Variants in COL25A1 observed in about 807,000 individuals in gnomAD.
COL25A1 encodes the protein collagen alpha-1(XXV) chain.
Under a neutral mutation model 128.4 loss-of-function variants are expected in COL25A1, and 103 were observed. The observed-to-expected ratio is 0.80, with a 90% CI of 0.68 to 0.94. The LOEUF is 0.94. Among genes scored for constraint, COL25A1 ranks in the 40% least tolerant of loss-of-function variants. The probability of loss-of-function intolerance (pLI) is 0.00; values close to 1 mark genes in which losing one functional copy is unlikely to be tolerated. For synonymous variants in COL25A1, 279 were observed against 277.2 expected (o/e 1.01, Z -0.06); for missense variants, 745 against 840.0 (o/e 0.89, Z 1.40).
At chr4:109,204,047 T>TA (rs1341756850) in intron 3 of COL25A1, among the ~76,000 whole-genome samples, 6 of 152,032 alleles carry the variant, frequency 3.9e-5, no homozygotes, top group African/African-American at 9.7e-5. Flanking sequence ...CTTTTTAAAA[T>TA]AAAAAAGTAG....
At chr4:109,058,403 C>T (rs542450890) in intron 3 of COL25A1, among the ~76,000 whole-genome samples, 4 of 151,936 alleles carry the variant, frequency 2.6e-5, no homozygotes, top group South Asian at 2.1e-4. Flanking sequence ...ATCTATACAA[C>T]GTAATATATT....
At chr4:109,245,403 G>A (rs1040104714) in intron 3 of COL25A1, among the ~76,000 whole-genome samples, 3 of 152,054 alleles carry the variant, frequency 2.0e-5, no homozygotes, top group Non-Finnish European at 2.9e-5. Context: ...AGGCCACTCC[G>A]GAGAAGTCGG....
intron 3 of COL25A1, among the ~76,000 whole-genome samples, chr4:109,241,879 G>A (rs774823318): frequency 2.0e-5 from 3 of 151,998 alleles, no homozygotes; most frequent in Non-Finnish European, 4.4e-5. Flanking sequence ...ACAGATTCCT[G>A]ATGTATTCAT....
At chr4:109,126,362 T>C (rs1266071423) in intron 3 of COL25A1, among the ~76,000 whole-genome samples, 1 of 152,124 alleles carries the variant, frequency 6.6e-6, no homozygotes, top group East Asian at 1.9e-4. Flanking sequence ...AAAATCTAAA[T>C]CCAACTCTGA....
At chr4:109,113,555 A>G (rs974607219) in intron 3 of COL25A1, among the ~76,000 whole-genome samples, 3 of 152,080 alleles carry the variant, frequency 2.0e-5, no homozygotes, top group African/African-American at 7.2e-5. Flanking sequence ...TCTGTTGTTA[A>G]TGTTAAAATG....
intron 8 of COL25A1, among the ~76,000 whole-genome samples, chr4:108,966,967 G>A (rs1751382463): frequency 6.6e-6 from 1 of 151,742 alleles, no homozygotes; most frequent in Non-Finnish European, 1.5e-5. Flanking sequence ...AAGAAAGAAA[G>A]AAAAAGAAAG....
chr4:108,868,455 T>C (rs1347087503), intron 20 of COL25A1, among the ~76,000 whole-genome samples: 1 of 142,290 alleles, frequency 7.0e-6, no homozygotes, highest in Non-Finnish European at 1.5e-5. Flanking sequence ...TAAAAATATA[T>C]GACAAAGATT....
At chr4:109,129,317 CG>C (rs1475955443) in intron 3 of COL25A1, among the ~76,000 whole-genome samples, 2 of 151,944 alleles carry the variant, frequency 1.3e-5, no homozygotes, top group African/African-American at 4.8e-5. Context: ...TTAGTAGAGA[CG>C]GGGTTTCTCC....
chr4:108,902,866 A>T (rs1248815212), intron 13 of COL25A1, among the ~76,000 whole-genome samples: 2 of 151,978 alleles, frequency 1.3e-5, no homozygotes, highest in Non-Finnish European at 2.9e-5. Context: ...TTGGAAACAG[A>T]ATACACCCTG....
intron 6 of COL25A1, among the ~76,000 whole-genome samples, chr4:108,983,106 A>C (rs575376104): frequency 6.6e-6 from 1 of 152,312 alleles, no homozygotes; most frequent in African/African-American, 2.4e-5. Flanking sequence ...GCCAATCAAA[A>C]CGAAGGGAAC....
intron 3 of COL25A1, among the ~76,000 whole-genome samples, chr4:109,056,650 C>G (rs74884980): frequency 7.4e-6 from 1 of 134,958 alleles, no homozygotes; most frequent in African/African-American, 2.9e-5. Context: ...AAAAAAAAAA[C>G]TGTCTTCAAG....
chr4:109,135,868 T>C (rs1429738379), intron 3 of COL25A1, among the ~76,000 whole-genome samples: 2 of 152,220 alleles, frequency 1.3e-5, no homozygotes, highest in African/African-American at 4.8e-5. Context: ...GACAGATCCA[T>C]ATATAGAGAA....
At chr4:109,028,951 C>G (rs1220658956) in intron 5 of COL25A1, among the ~76,000 whole-genome samples, 1 of 151,986 alleles carries the variant, frequency 6.6e-6, no homozygotes, top group African/African-American at 2.4e-5. Flanking sequence ...GTAACCAGTG[C>G]CCTTAAGAAG....
At chr4:108,941,284 G>T in intron 9 of COL25A1, 82 bp downstream of exon 9, 1 of 1,122,214 alleles carries the variant, frequency 8.9e-7, no homozygotes, top group South Asian at 1.4e-5. Context: ...CCACCCATAA[G>T]AGATAAATCG....
chr4:108,835,466 T>C (rs552340966), intron 31 of COL25A1, among the ~76,000 whole-genome samples: 2 of 152,344 alleles, frequency 1.3e-5, no homozygotes, highest in South Asian at 4.1e-4. Context: ...CCAATGATGT[T>C]ATTCTACATA....
In COL25A1 at chr4:108,810,125, A is replaced by C. The variant is rs1036483546; in HGVS notation, c.*3802T>G. ...AAAGTATAGCCCTACTCTGGGTAAG[A>C]CAATATATAGTGGGGAAAGAAAGGA... On this transcript the variant is annotated 3_prime_UTR_variant, in exon 38 of 38. Transcript: ENST00000399132. 2 of 151,898 alleles carry C rather than the reference A, an allele frequency of 1.3e-5. No homozygotes were observed. The highest frequency in any genetic ancestry group is 2.9e-5 in the Non-Finnish European group (2 of 67,826). 9.4% of individuals were successfully genotyped at this position (151,898 alleles called of 1,614,324 possible).
At chr4:109,260,073 T>C (rs1046102151) in intron 3 of COL25A1, among the ~76,000 whole-genome samples, 2 of 152,220 alleles carry the variant, frequency 1.3e-5, no homozygotes, top group African/African-American at 2.4e-5. Flanking sequence ...AGGTATAAAG[T>C]AGAACAGGTG....
chr4:108,992,288 GTT>G (rs1754307996), intron 6 of COL25A1, among the ~76,000 whole-genome samples: 4 of 151,662 alleles, frequency 2.6e-5, no homozygotes, highest in Non-Finnish European at 5.9e-5. Flanking sequence ...TGGTCTTAGT[GTT>G]GAAGGCCATT....
intron 3 of COL25A1, among the ~76,000 whole-genome samples, chr4:109,292,014 ATT>A (rs1331566365): frequency 1.3e-5 from 2 of 152,138 alleles, no homozygotes; most frequent in African/African-American, 4.8e-5. Context: ...ACAGTACAGT[ATT>A]TCAAAGATCA....
Sources: allele counts gnomAD v4.1 joint callset (sites outside exome capture counted in the v4.1 genomes callset), GRCh38; gene constraint gnomAD v4.1.1; transcripts MANE v1.5; gene names NCBI Gene and HGNC (gene_info 2026-07-23, HGNC 2026-07-21).